The following WDFY2 variants were observed in gnomAD, a reference collection of about 807,000 sequenced individuals.
WDFY2 encodes WD repeat and FYVE domain containing 2, also known as WD repeat and FYVE domain-containing protein 2.
In WDFY2, 36 loss-of-function variants were observed where a neutral mutation model predicts 56.4. That is an observed-to-expected ratio of 0.64 (90% CI 0.49 to 0.84). WDFY2 has a LOEUF of 0.84. WDFY2 is among the 40% of genes least tolerant of loss of function. The pLI, the probability that WDFY2 is intolerant of heterozygous loss-of-function variation, is 0.00. For synonymous variants in WDFY2, 176 were observed against 183.7 expected (o/e 0.96, Z 0.34); for missense variants, 444 against 512.2 (o/e 0.87, Z 1.29).
intron 4 of WDFY2, among the ~76,000 whole-genome samples, chr13:51,718,771 A>G (rs911895938): frequency 6.6e-6 from 1 of 152,188 alleles, no homozygotes; most frequent in African/African-American, 2.4e-5. Context: ...TTTTTTTGTA[A>G]GTGCACATAA....
At chr13:51,636,070 A>C (rs2138391357) in intron 1 of WDFY2, among the ~76,000 whole-genome samples, 1 of 152,284 alleles carries the variant, frequency 6.6e-6, no homozygotes, top group African/African-American at 2.4e-5. Flanking sequence ...TGCTGGGTGC[A>C]CAATTTTGTC....
chr13:51,656,610 C>A (rs189027026), intron 1 of WDFY2, among the ~76,000 whole-genome samples: 57 of 152,060 alleles, frequency 3.7e-4, no homozygotes, highest in Non-Finnish European at 5.9e-5. Context: ...CTCTCTATTT[C>A]TCCCTTCAGT....
intron 1 of WDFY2, among the ~76,000 whole-genome samples, chr13:51,658,937 C>T (rs1955562111): frequency 6.6e-6 from 1 of 151,582 alleles, no homozygotes. Context: ...AATTAATTTA[C>T]TGTTTTTGAG....
intron 7 of WDFY2, among the ~76,000 whole-genome samples, chr13:51,744,888 A>G (rs1169291821): frequency 2.0e-5 from 3 of 152,216 alleles, no homozygotes; most frequent in Non-Finnish European, 2.9e-5. Context: ...CTTTTAACTG[A>G]AAGGTGGTTA....
rs932929812 is a variant in WDFY2, at chr13:51,756,696, A to G, written c.1064+234A>G. On this transcript the variant is annotated intron_variant, in intron 10 of 11. Coordinates refer to ENST00000298125, the MANE Select transcript of WDFY2 (RefSeq NM_052950.4). ...CATCTCTGTGTTCTTTCTAATTTCT[A>G]GGTTATGTGCCTTTAAATTAGCTGC... is the stretch of plus-strand genomic sequence containing the variant. 16 of 965,876 alleles carry G rather than the reference A, an allele frequency of 1.7e-5. No homozygotes were observed. The Admixed American group carries it at 4.9e-4, about 30-fold the overall frequency. The allele number at this position is 965,876 out of a possible 1,614,324, so 59.8% of individuals were successfully genotyped here.
chr13:51,683,930 A>T (rs1367309359), intron 3 of WDFY2, among the ~76,000 whole-genome samples: 3 of 152,118 alleles, frequency 2.0e-5, no homozygotes, highest in Middle Eastern at 3.4e-3. Flanking sequence ...TTTTCTTTCC[A>T]AGATGTGTGC....
intron 1 of WDFY2, chr13:51,592,159 A>AT (rs1351022566): frequency 6.6e-6 from 1 of 152,234 alleles, no homozygotes; most frequent in East Asian, 1.9e-4. Context: ...AAAAAAAAAA[A>AT]GAAAAAAATT....
At chr13:51,620,080 G>A (rs1324481806) in intron 1 of WDFY2, among the ~76,000 whole-genome samples, 3 of 152,206 alleles carry the variant, frequency 2.0e-5, no homozygotes, top group Non-Finnish European at 2.9e-5. Context: ...AGGAGGGGAG[G>A]CAGCGCCCAA....
chr13:51,599,002 A>G (rs1311881381), intron 1 of WDFY2, among the ~76,000 whole-genome samples: 1 of 146,164 alleles, frequency 6.8e-6, no homozygotes, highest in East Asian at 2.0e-4. Context: ...TCCGCCTTCC[A>G]GGTTCAAGCG....
chr13:51,598,236 T>C (rs1399200682), intron 1 of WDFY2, among the ~76,000 whole-genome samples: 1 of 151,926 alleles, frequency 6.6e-6, no homozygotes, highest in African/African-American at 2.4e-5. Context: ...GGCGGGCACC[T>C]GTAATCCCAG....
At position 51,762,211 on chromosome 13, in the gene WDFY2, C is replaced by G. The variant is rs754704492; in HGVS notation, c.*2442C>G. 6.6e-6 allele frequency: 1 copy of G among 152,222 alleles called. No individual in the cohort carries two copies. The highest frequency in any genetic ancestry group is 2.1e-4 in the South Asian group (1 of 4,808). 9.4% of individuals were successfully genotyped at this position (152,222 alleles called of 1,614,324 possible). A position where few individuals can be genotyped will look rare whatever the true frequency, so the allele number is the denominator to read the frequency against. Reference sequence around the variant, plus strand: ...AGTATTAGGGCAGCAAAGGCCCAGGCGCCCAGCAAGCCTGTATGGGTTCTG... The same window carrying G: ...AGTATTAGGGCAGCAAAGGCCCAGGGGCCCAGCAAGCCTGTATGGGTTCTG... On this transcript the variant is annotated 3_prime_UTR_variant, in exon 12 of 12. Transcript: ENST00000298125.
At chr13:51,686,736 G>A (rs1437717168) in intron 3 of WDFY2, among the ~76,000 whole-genome samples, 2 of 152,112 alleles carry the variant, frequency 1.3e-5, no homozygotes, top group African/African-American at 4.8e-5. Context: ...ACACATTACT[G>A]TGTTTTCTAT....
intron 1 of WDFY2, among the ~76,000 whole-genome samples, chr13:51,652,814 C>T (rs534076516): frequency 3.2e-4 from 48 of 152,312 alleles, no homozygotes; most frequent in African/African-American, 1.1e-3. Context: ...GTAACCCGAC[C>T]TTTCTCTCTG....
chr13:51,641,353 G>T (rs1360755802), intron 1 of WDFY2, among the ~76,000 whole-genome samples: 1 of 151,962 alleles, frequency 6.6e-6, no homozygotes, highest in Non-Finnish European at 1.5e-5. Context: ...ACAGGCGTGA[G>T]CCACCGCAGC....
chr13:51,592,260 AG>A (rs2138289502), intron 1 of WDFY2: 1 of 152,346 alleles, frequency 6.6e-6, no homozygotes, highest in Non-Finnish European at 1.5e-5. Context: ...GTTAGGACTC[AG>A]AAATGATGCA....
intron 1 of WDFY2, among the ~76,000 whole-genome samples, chr13:51,624,136 C>G (rs1954794802): frequency 6.6e-6 from 1 of 152,232 alleles, no homozygotes; most frequent in Non-Finnish European, 1.5e-5. Flanking sequence ...TCAAGGCATA[C>G]ACTTTTTCTT....
chr13:51,751,780 G>A (rs1953243387), intron 8 of WDFY2, among the ~76,000 whole-genome samples: 1 of 152,144 alleles, frequency 6.6e-6, no homozygotes, highest in South Asian at 2.1e-4. Context: ...GAAAATAGTG[G>A]CTAAGATGAA....
At chr13:51,745,255 T>C (rs1382849672) in intron 7 of WDFY2, among the ~76,000 whole-genome samples, 1 of 152,124 alleles carries the variant, frequency 6.6e-6, no homozygotes, top group Admixed American at 6.5e-5. Flanking sequence ...CCAGGAGAGA[T>C]AGGGAAAACC....
chr13:51,664,919 C>T (rs181717431), intron 2 of WDFY2, among the ~76,000 whole-genome samples: 4 of 152,316 alleles, frequency 2.6e-5, no homozygotes, highest in East Asian at 1.9e-4. Flanking sequence ...AAATGTTAAG[C>T]GTTTCTTCCA....
Sources: allele counts gnomAD v4.1 joint callset (sites outside exome capture counted in the v4.1 genomes callset), GRCh38; gene constraint gnomAD v4.1.1; transcripts MANE v1.5; gene names NCBI Gene and HGNC (gene_info 2026-07-23, HGNC 2026-07-21).